The following KCNQ1OT1 variants were observed in gnomAD, a reference collection of about 807,000 sequenced individuals.
KCNQ1OT1 encodes KCNQ1 antisense RNA 2 (non-protein coding).
At chr11:2,681,722 A>C in exon 1 of KCNQ1OT1, 1 of 393,008 alleles carries the variant, frequency 2.5e-6, no homozygotes, top group Non-Finnish European at 4.4e-6. Context: ...TCCTCTATTC[A>C]GTATTGTGGG....
Position 2,668,626 on chromosome 11 carries a change from A to G in KCNQ1OT1, n.31369T>C, listed in dbSNP as rs1288663446. On this transcript the variant is annotated non_coding_transcript_exon_variant, in exon 1 of 1. Transcript: ENST00000597346. The surrounding 1 kb of genome is among the most constrained non-coding windows in gnomAD (Gnocchi z 4.3). ...ATTGCCTACATCTTCTGCCTGTTTT[A>G]TGTTTATTTATGGTCCTATATATCT... 1 of 398,476 alleles carries G rather than the reference A, an allele frequency of 2.5e-6. No individual in the cohort carries two copies. The highest frequency in any genetic ancestry group is 3.6e-5 in the East Asian group (1 of 28,062). The allele number at this position is 398,476 out of a possible 1,614,324, so 24.7% of individuals were successfully genotyped here. A position where few individuals can be genotyped will look rare whatever the true frequency, so the allele number is the denominator to read the frequency against.
chr11:2,684,430 T>C (rs1246675120), exon 1 of KCNQ1OT1: 3 of 398,550 alleles, frequency 7.5e-6, no homozygotes, highest in African/African-American at 2.1e-5. Flanking sequence ...ACCACCTCTT[T>C]CATTTGAAAA....
At chr11:2,666,470 C>T (rs1214515796) in exon 1 of KCNQ1OT1, 2 of 398,684 alleles carry the variant, frequency 5.0e-6, no homozygotes, top group Non-Finnish European at 8.8e-6. Flanking sequence ...TGCAGAATCT[C>T]ACGCCAAGAC....
At chr11:2,628,914 T>C (rs1849306293) in exon 1 of KCNQ1OT1, 1 of 398,414 alleles carries the variant, frequency 2.5e-6, no homozygotes, top group Non-Finnish European at 4.4e-6. Flanking sequence ...TGTCAAAGAT[T>C]AGTTGACCAT....
rs191118119 is a variant in KCNQ1OT1 at position 2,611,322 on chromosome 11, C to A, written n.88673G>T. ...GCAACCTCTGCCTCCCGGATTCAAG[C>A]CGTTCTCTTGCCTCAGCATCCCAAG... On this transcript the variant is annotated non_coding_transcript_exon_variant, in exon 1 of 1. Coordinates refer to ENST00000597346, the Ensembl canonical transcript of KCNQ1OT1. This position sits in a 1 kb window ranked among gnomAD's most constrained non-coding sequence, Gnocchi z 5.3. 2.5e-4 allele frequency: 98 copies of A among 397,364 alleles called. No individual in the cohort carries two copies. The highest frequency in any genetic ancestry group is 1.5e-3 in the African/African-American group (71 of 48,700). The allele number at this position is 397,364 out of a possible 1,614,324, so 24.6% of individuals were successfully genotyped here.
At chr11:2,689,566 G>A (rs1304712673) in exon 1 of KCNQ1OT1, 3 of 398,526 alleles carry the variant, frequency 7.5e-6, no homozygotes, top group African/African-American at 2.1e-5. Context: ...TGAATGATGT[G>A]GAAATCTGTT....
Position 2,668,135 on chromosome 11 carries a change from G to A in KCNQ1OT1, n.31860C>T, listed in dbSNP as rs145946541. On this transcript the variant is annotated non_coding_transcript_exon_variant, in exon 1 of 1. Transcript: ENST00000597346. The surrounding 1 kb of genome is among the most constrained non-coding windows in gnomAD (Gnocchi z 4.3). ...ATTTGATGTCTGGCAGCCTCTCTAT[G>A]GGGCTGAAGGGAGAGTGCTCCCTCA... is the stretch of plus-strand genomic sequence containing the variant. 8.3e-5 allele frequency: 33 copies of A among 398,616 alleles called. No individual in the cohort carries two copies. The highest frequency in any genetic ancestry group is 7.6e-4 in the South Asian group (6 of 7,856). 24.7% of individuals were successfully genotyped at this position (398,616 alleles called of 1,614,324 possible). A position where few individuals can be genotyped will look rare whatever the true frequency, so the allele number is the denominator to read the frequency against.
Position 2,661,754 on chromosome 11 carries a change from C to T in KCNQ1OT1, n.38241G>A, listed in dbSNP as rs966642156. ...AAGATGATTCACTGGCCTTTATTCT[C>T]CTCAGACACTGAGGTGTCAGGCACT... On this transcript the variant is annotated non_coding_transcript_exon_variant, in exon 1 of 1. Coordinates refer to ENST00000597346, the Ensembl canonical transcript of KCNQ1OT1. This position sits in a 1 kb window ranked among gnomAD's most constrained non-coding sequence, Gnocchi z 5.9. The T allele has an allele frequency of 9.4e-6, 6 of 640,406 alleles. No homozygotes were observed. The highest frequency in any genetic ancestry group is 2.3e-5 in the Admixed American group (1 of 42,796). The allele number at this position is 640,406 out of a possible 1,614,324, so 39.7% of individuals were successfully genotyped here. A position where few individuals can be genotyped will look rare whatever the true frequency, so the allele number is the denominator to read the frequency against.
At chr11:2,633,596 T>C in exon 1 of KCNQ1OT1, 2 of 398,608 alleles carry the variant, frequency 5.0e-6, no homozygotes, top group Non-Finnish European at 8.8e-6. Flanking sequence ...TATCCTGTTT[T>C]CCCAACATGA....
At chr11:2,667,237 C>T (rs924705851) in exon 1 of KCNQ1OT1, 6 of 398,566 alleles carry the variant, frequency 1.5e-5, no homozygotes, top group East Asian at 3.6e-5. Context: ...TCACTTCCTC[C>T]GTCTGAGCAC....
exon 1 of KCNQ1OT1, chr11:2,650,897 A>G (rs1410946568): frequency 5.0e-6 from 2 of 398,558 alleles, no homozygotes; most frequent in Non-Finnish European, 8.8e-6. Context: ...GCAGCATGCT[A>G]TTTTTCTCCA....
At chr11:2,628,784 CT>C in exon 1 of KCNQ1OT1, 1 of 398,380 alleles carries the variant, frequency 2.5e-6, no homozygotes, top group Non-Finnish European at 4.4e-6. Context: ...ATCTTATTCA[CT>C]TTTCTCTACA....
At chr11:2,699,830 G>A (rs1318087139) in exon 1 of KCNQ1OT1, 5 of 397,276 alleles carry the variant, frequency 1.3e-5, no homozygotes, top group East Asian at 1.1e-4. Flanking sequence ...CTGACGCACC[G>A]AGGAGGACCG....
At chr11:2,632,294 T>C (rs989958033) in exon 1 of KCNQ1OT1, 6 of 398,492 alleles carry the variant, frequency 1.5e-5, no homozygotes, top group African/African-American at 1.2e-4. Flanking sequence ...TTCAGGGATT[T>C]CTACAAATAT....
chr11:2,665,217 C>T, exon 1 of KCNQ1OT1: 1 of 398,688 alleles, frequency 2.5e-6, no homozygotes, highest in South Asian at 1.3e-4. Context: ...AAGCTGTCTT[C>T]CTAGGTTGAA....
At chr11:2,610,128 T>G in exon 1 of KCNQ1OT1, 2 of 397,982 alleles carry the variant, frequency 5.0e-6, no homozygotes, top group Non-Finnish European at 8.9e-6. Flanking sequence ...AGTGACTACT[T>G]TCTAATATAA....
rs1044393579 is a variant in KCNQ1OT1, at chr11:2,647,300, C to T, written n.52695G>A. On this transcript the variant is annotated non_coding_transcript_exon_variant, in exon 1 of 1. Transcript: ENST00000597346. This position sits in a 1 kb window ranked among gnomAD's most constrained non-coding sequence, Gnocchi z 4.0. ...ATTTATTGATTTGTATATGTTGAAC[C>T]ATCCTTGAATCCCTGGGATAAATCC... The T allele has an allele frequency of 2.5e-6, 1 of 398,380 alleles. No individual in the cohort carries two copies. The highest frequency in any genetic ancestry group is 2.1e-5 in the African/African-American group (1 of 48,686). The allele number at this position is 398,380 out of a possible 1,614,324, so 24.7% of individuals were successfully genotyped here.
chr11:2,618,983 A>C, exon 1 of KCNQ1OT1: 1 of 398,214 alleles, frequency 2.5e-6, no homozygotes. Flanking sequence ...CCAGGTCATT[A>C]TTTGTGTATA....
chr11:2,630,653 C>T (rs1849337744), exon 1 of KCNQ1OT1: 1 of 397,860 alleles, frequency 2.5e-6, no homozygotes, highest in African/African-American at 2.1e-5. Flanking sequence ...CTTAAGTTGC[C>T]CGTATATTTA....
Sources: gnomAD v4.1 joint callset for allele counts on GRCh38, gnomAD v4.1.1 for gene constraint, Gnocchi (gnomAD v3.1) non-coding constraint, MANE v1.5 for transcripts, NCBI Gene and HGNC (gene_info 2026-07-23, HGNC 2026-07-21) for gene names.